Variants in RIPK4 observed in about 807,000 individuals in gnomAD.
The protein encoded by RIPK4 is receptor interacting serine/threonine kinase 4.
In RIPK4, 17 loss-of-function variants were observed where a neutral mutation model predicts 42.9. That is an observed-to-expected ratio of 0.40 (90% CI 0.27 to 0.59). The LOEUF (loss-of-function observed/expected upper bound fraction) is 0.59. Among genes scored for constraint, RIPK4 ranks in the 20% least tolerant of loss-of-function variants. The pLI is 0.47. For missense variants in RIPK4, 897 were observed against 1,104.4 expected (o/e 0.81, Z 2.66); for synonymous variants, 498 against 499.1 (o/e 1.00, Z 0.03).
chr21:41,745,678 G>T (rs920386298), intron 6 of RIPK4, 81 bp downstream of exon 6: 5 of 1,021,060 alleles, frequency 4.9e-6, no homozygotes, highest in Non-Finnish European at 7.7e-6. Context: ...GGCGGCGGGG[G>T]ACTCTGCAAA....
chr21:41,766,387 C>T (rs1005094428), intron 1 of RIPK4, among the ~76,000 whole-genome samples: 1 of 152,246 alleles, frequency 6.6e-6, no homozygotes, highest in South Asian at 2.1e-4. Context: ...CTCACAAAGC[C>T]CAGAGGCCCA....
intron 6 of RIPK4, among the ~76,000 whole-genome samples, chr21:41,744,599 A>G (rs192887290): frequency 6.6e-6 from 1 of 152,376 alleles, no homozygotes; most frequent in East Asian, 1.9e-4. Context: ...CACTGCACAG[A>G]GCGTCACCCA....
rs1175467557 is a variant in RIPK4, at chr21:41,742,822, AC to A, written c.1196-826del. Among the ~76,000 whole-genome samples the A allele has an allele frequency of 2.0e-5, 3 of 152,104 alleles. No individual in the cohort carries two copies. The highest frequency in any genetic ancestry group is 4.4e-5 in the Non-Finnish European group (3 of 68,026). On this transcript the variant is annotated intron_variant, in intron 7 of 7. Coordinates refer to ENST00000332512, the MANE Select transcript of RIPK4 (RefSeq NM_020639.3). This position sits in a 1 kb window ranked among gnomAD's most constrained non-coding sequence, Gnocchi z 5.1. The stretch of plus-strand genomic sequence containing the variant: ...ACAAGATGTCATTTCAGAGTATTAG[AC>A]CCAAAGAGAATGTTCTAGAACGTAC...
intron 4 of RIPK4, among the ~76,000 whole-genome samples, chr21:41,747,383 CTTATTA>C (rs934204052): frequency 6.6e-6 from 1 of 152,144 alleles, no homozygotes; most frequent in African/African-American, 2.4e-5. Context: ...TGGGCTCTAG[CTTATTA>C]TTATTATTGC....
intron 2 of RIPK4, among the ~76,000 whole-genome samples, chr21:41,756,078 C>T (rs940844989): frequency 3.9e-5 from 6 of 152,176 alleles, no homozygotes; most frequent in African/African-American, 1.4e-4. Flanking sequence ...TTTGAGGACC[C>T]CACTGCAGAG....
chr21:41,745,639 T>C (rs1420935022), intron 6 of RIPK4, 120 bp downstream of exon 6: 1 of 716,928 alleles, frequency 1.4e-6, no homozygotes, highest in Non-Finnish European at 2.4e-6. Context: ...GGGTGCGGGA[T>C]GGGCTCAGAA....
intron 1 of RIPK4, among the ~76,000 whole-genome samples, chr21:41,766,450 G>A (rs1387135853): frequency 6.6e-6 from 1 of 152,172 alleles, no homozygotes; most frequent in African/African-American, 2.4e-5. Flanking sequence ...GTGGGTCCCG[G>A]GCGGGCCGGA....
chr21:41,760,497 G>A (rs1188792260), intron 1 of RIPK4, among the ~76,000 whole-genome samples: 1 of 152,222 alleles, frequency 6.6e-6, no homozygotes, highest in African/African-American at 2.4e-5. Context: ...TGAGAGAATC[G>A]GGAAGGCTGA....
At chr21:41,758,006 A>AAG (rs2061209331) in intron 1 of RIPK4, among the ~76,000 whole-genome samples, 1 of 61,232 alleles carries the variant, frequency 1.6e-5, no homozygotes, top group East Asian at 3.5e-4. Flanking sequence ...AACAAAAAAA[A>AAG]AAAAAAAAAA....
At chr21:41,747,052 C>T (rs1217206004) in intron 4 of RIPK4, among the ~76,000 whole-genome samples, 4 of 152,220 alleles carry the variant, frequency 2.6e-5, no homozygotes, top group Non-Finnish European at 2.9e-5. Context: ...GCAGATCTTT[C>T]TAGGCATCCC....
intron 1 of RIPK4, among the ~76,000 whole-genome samples, chr21:41,764,912 C>A (rs191123318): frequency 1.3e-5 from 2 of 152,334 alleles, no homozygotes; most frequent in Admixed American, 1.3e-4. Flanking sequence ...CTGACCTCGA[C>A]CTAGCCACCT....
chr21:41,753,364 G>A (rs533275282), intron 2 of RIPK4, among the ~76,000 whole-genome samples: 16 of 152,330 alleles, frequency 1.1e-4, no homozygotes, highest in Non-Finnish European at 1.9e-4. Context: ...TCCTGTCTTT[G>A]TCAGATAGAG....
rs370541213 is a variant in RIPK4, at chr21:41,746,153, T to G, written c.833-291A>C. On this transcript the variant is annotated intron_variant, in intron 5 of 7. Transcript: ENST00000332512. ...AGCTGCCAGCACCTGGCGGATGAGC[T>G]CCCCATTCAGCCCGTTTCCTGCCGT... The G allele has an allele frequency of 9.2e-4, 613 of 667,146 alleles. 4 individuals carry two copies. The African/African-American group carries it at 9.9e-3, about 11-fold the overall frequency. The allele number at this position is 667,146 out of a possible 1,614,324, so 41.3% of individuals were successfully genotyped here. A position where few individuals can be genotyped will look rare whatever the true frequency, so the allele number is the denominator to read the frequency against.
At position 41,755,113 on chromosome 21, in the gene RIPK4, T is replaced by C. The variant is rs1161879399; in HGVS notation, c.474+1412A>G. On this transcript the variant is annotated intron_variant, in intron 2 of 7. Transcript: ENST00000332512. The surrounding 1 kb of genome is among the most constrained non-coding windows in gnomAD (Gnocchi z 4.2). The stretch of plus-strand genomic sequence containing the variant: ...ACAAGCCCGTAAATGTTGGCGGGAA[T>C]GGGGGGTCCGCATGTGAGGCCCAGC... Among the ~76,000 whole-genome samples, 4 of 151,802 alleles carry C rather than the reference T, an allele frequency of 2.6e-5. No individual in the cohort carries two copies. Among genetic ancestry groups the C allele is most frequent in the Non-Finnish European group, 4.4e-5 (3 of 67,936 alleles).
rs960765079 is a variant in RIPK4, at chr21:41,755,269, C to T, written c.474+1256G>A. ...ATTATCTCAATTTCCTACTTCACTTCGCAGGACGGTGCTTCATCTTCTAGC... is the reference window on the plus strand; with the variant it reads ...ATTATCTCAATTTCCTACTTCACTTTGCAGGACGGTGCTTCATCTTCTAGC... On this transcript the variant is annotated intron_variant, in intron 2 of 7. Coordinates refer to ENST00000332512, the MANE Select transcript of RIPK4 (RefSeq NM_020639.3). The surrounding 1 kb of genome is among the most constrained non-coding windows in gnomAD (Gnocchi z 4.2). Among the ~76,000 whole-genome samples the T allele has an allele frequency of 5.3e-5, 8 of 152,210 alleles. No individual in the cohort carries two copies. Among genetic ancestry groups the T allele is most frequent in the Non-Finnish European group, 1.0e-4 (7 of 68,042 alleles).
At chr21:41,760,729 C>T (rs756256393) in intron 1 of RIPK4, among the ~76,000 whole-genome samples, 4 of 151,814 alleles carry the variant, frequency 2.6e-5, no homozygotes, top group Non-Finnish European at 2.9e-5. Flanking sequence ...CTACGGTGGA[C>T]GCGGGAGCAC....
At chr21:41,762,331 G>A (rs1307790019) in intron 1 of RIPK4, among the ~76,000 whole-genome samples, 2 of 152,182 alleles carry the variant, frequency 1.3e-5, no homozygotes, top group African/African-American at 4.8e-5. Flanking sequence ...GGGTGGGGCG[G>A]CTCCCTTGCC....
At chr21:41,766,316 T>G (rs904833490) in intron 1 of RIPK4, among the ~76,000 whole-genome samples, 29 of 152,202 alleles carry the variant, frequency 1.9e-4, no homozygotes, top group Admixed American at 3.9e-4. Context: ...ATAATTACAG[T>G]CTTACACCAA....
rs60490088 is a variant in RIPK4 at position 41,755,009 on chromosome 21, T to C, written c.474+1516A>G. Among the ~76,000 whole-genome samples the C allele has an allele frequency of 0.016, 2,479 of 152,308 alleles. 56 individuals are homozygous for C. Among genetic ancestry groups the C allele is most frequent in the African/African-American group, 0.056 (2,322 of 41,572 alleles). The stretch of plus-strand genomic sequence containing the variant: ...GCTCCCGCAGGTGAAGCCTCTAGCA[T>C]GTCCTTTCCGGTATTCAGTGCACGT... On this transcript the variant is annotated intron_variant, in intron 2 of 7. Transcript: ENST00000332512. The surrounding 1 kb of genome is among the most constrained non-coding windows in gnomAD (Gnocchi z 4.2).
Sources: gnomAD v4.1 joint callset for allele counts (sites outside exome capture counted in the v4.1 genomes callset) on GRCh38, gnomAD v4.1.1 for gene constraint, Gnocchi (gnomAD v3.1) non-coding constraint, MANE v1.5 for transcripts, NCBI Gene and HGNC (gene_info 2026-07-23, HGNC 2026-07-21) for gene names.